The following LMTK2 variants were observed in gnomAD, a reference collection of about 807,000 sequenced individuals.
LMTK2 encodes serine/threonine-protein kinase LMTK2.
Under a neutral mutation model 127.5 loss-of-function variants are expected in LMTK2, and 37 were observed. The ratio of observed to expected loss-of-function variants is 0.29; its 90% CI spans 0.22 to 0.38. The LOEUF (loss-of-function observed/expected upper bound fraction) is 0.38. Among genes scored for constraint, LMTK2 ranks in the 10% least tolerant of loss-of-function variants. The pLI is 1.00. For synonymous variants in LMTK2, 819 were observed against 810.1 expected, an observed-to-expected ratio of 1.01 and a Z score of -0.19; for missense variants, 1,694 against 1,920.3, an observed-to-expected ratio of 0.88 and a Z score of 2.20.
chr7:98,178,246 A>G (rs1279778247), intron 7 of LMTK2, among the ~76,000 whole-genome samples: 1 of 152,220 alleles, frequency 6.6e-6, no homozygotes, highest in Non-Finnish European at 1.5e-5. Context: ...TACTCGGGAA[A>G]GCATAAGTAG....
At chr7:98,177,698 G>A (rs116938364) in intron 7 of LMTK2, among the ~76,000 whole-genome samples, 1,844 of 151,896 alleles carry the variant, frequency 0.012, 17 homozygotes, top group Admixed American at 0.02. Context: ...TTTCCCTAGG[G>A]TGTAATAAGA....
chr7:98,154,784 C>T lies in LMTK2; in HGVS notation c.477C>T (p.Gly159=), dbSNP rs370079724. ...TTCTCTTGGGAGAGATTTACACGGG[C>T]ACTAGCGTAGCAAGAGTCATCGTGA... ...GKVLLGEIYT[G]TSVARVIVKE... is the part of the protein sequence containing the mutation. The change falls in exon 5 of 14, where the codon GGC becomes GGT. Residue 159 remains glycine, a synonymous_variant. Coordinates refer to ENST00000297293, the MANE Select transcript of LMTK2 (RefSeq NM_014916.4). The T allele has an allele frequency of 1.9e-6, 3 of 1,612,438 alleles. No individual in the cohort carries two copies. The highest frequency in any genetic ancestry group is 1.7e-5 in the Admixed American group (1 of 59,972).
At chr7:98,177,214 A>G (rs947969539) in intron 7 of LMTK2, among the ~76,000 whole-genome samples, 2 of 152,252 alleles carry the variant, frequency 1.3e-5, no homozygotes, top group African/African-American at 2.4e-5. Flanking sequence ...GACAGTATAC[A>G]TAAGTCAGTA....
chr7:98,191,781 C>T lies in LMTK2; in HGVS notation c.1316C>T (p.Ser439Phe), dbSNP rs760852451. The T allele has an allele frequency of 6.2e-7, 1 of 1,614,176 alleles. No homozygotes were observed. The highest frequency in any genetic ancestry group is 8.5e-7 in the Non-Finnish European group (1 of 1,180,034). ...LKPNTNSRDS[S>F]NNAAFPILDH... ...CCGAACACAAACAGCAGAGACTCCT[C>T]CAACAATGCTGCATTCCCAATTCTC... Residue 439 changes from serine to phenylalanine, a missense_variant, in exon 11 of 14, where the codon TCC becomes TTC. This residue lies in a region of LMTK2 where 216 missense variants were observed against 266.8 expected (regional missense o/e 0.81). Coordinates refer to ENST00000297293, the MANE Select transcript of LMTK2 (RefSeq NM_014916.4).
chr7:98,198,403 A>T (rs1797662351), intron 11 of LMTK2, among the ~76,000 whole-genome samples: 1 of 151,996 alleles, frequency 6.6e-6, no homozygotes, highest in South Asian at 2.1e-4. Flanking sequence ...GTTGGCCAGG[A>T]TGGTCTCAAT....
At chr7:98,114,235 T>G (rs1796245405) in intron 1 of LMTK2, among the ~76,000 whole-genome samples, 1 of 150,914 alleles carries the variant, frequency 6.6e-6, no homozygotes, top group African/African-American at 2.4e-5. Flanking sequence ...ATGTGTTTTT[T>G]TAAAGTTTTT....
chr7:98,149,090 C>T (rs1429538489), intron 3 of LMTK2, among the ~76,000 whole-genome samples: 1 of 152,204 alleles, frequency 6.6e-6, no homozygotes, highest in Non-Finnish European at 1.5e-5. Flanking sequence ...AATATGTGAC[C>T]ACTCCATCCT....
chr7:98,107,199 C>T lies in LMTK2; in HGVS notation c.22C>T (p.Arg8Trp), dbSNP rs529811468. 157 of 1,453,950 alleles carry T rather than the reference C, an allele frequency of 1.1e-4. 1 individual carries two copies. The South Asian group carries it at 1.7e-3, about 16-fold the overall frequency. The allele number at this position is 1,453,950 out of a possible 1,614,324, so 90.1% of individuals were successfully genotyped here. Residue 8 changes from arginine (R) to tryptophan (W), a missense_variant, in exon 1 of 14, where the codon CGG becomes TGG. Arg to Trp is a moderately radical substitution (Grantham distance 101). This residue lies in a region of LMTK2 where 76 missense variants were observed against 82.0 expected (regional missense o/e 0.93). Coordinates refer to ENST00000297293, the MANE Select transcript of LMTK2 (RefSeq NM_014916.4). ...CGAGATGCCGGGGCCGCCGGCGTTG[C>T]GGCGGAGGCTGCTGCTGCTGCTGCT... MPGPPAL[R>W]RRLLLLLLVL...
At chr7:98,144,445 A>AC (rs1341195336) in intron 3 of LMTK2, among the ~76,000 whole-genome samples, 1 of 151,282 alleles carries the variant, frequency 6.6e-6, no homozygotes, top group Non-Finnish European at 1.5e-5. Flanking sequence ...AAAAAAAAAA[A>AC]GAAAGAAAAA....
At position 98,194,732 on chromosome 7, in the gene LMTK2, A is replaced by G. The variant is rs1797601178; in HGVS notation, c.4107+160A>G. Among the ~76,000 whole-genome samples, 1 of 152,256 alleles carries G rather than the reference A, an allele frequency of 6.6e-6. No individual in the cohort carries two copies. On this transcript the variant is annotated intron_variant, in intron 11 of 13. Coordinates refer to ENST00000297293, the MANE Select transcript of LMTK2 (RefSeq NM_014916.4). The surrounding 1 kb of genome is among the most constrained non-coding windows in gnomAD (Gnocchi z 5.4). ...TGGGGTTGGTTAGAGTTCTAAGAAT[A>G]TGCAGAAATGTCATTTGCTCAGGGA...
chr7:98,151,774 A>G (rs1196951539), intron 4 of LMTK2, among the ~76,000 whole-genome samples: 1 of 152,232 alleles, frequency 6.6e-6, no homozygotes, highest in Non-Finnish European at 1.5e-5. Flanking sequence ...TGCTGGCTGA[A>G]TCCGGATCAG....
rs374314074 is a variant in LMTK2 at position 98,173,557 on chromosome 7, A to G, written c.791+1883A>G. 1.3e-4 allele frequency among the ~76,000 whole-genome samples: 20 copies of G among 152,234 alleles called. No individual in the cohort carries two copies. The East Asian group carries it at 1.5e-3, about 12-fold the overall frequency. ...GGGTTTAATTTTAAAAGAGCATAAT[A>G]TTGGAATCAGCAATGTAAAATTATC... On this transcript the variant is annotated intron_variant, in intron 7 of 13. Coordinates refer to ENST00000297293, the MANE Select transcript of LMTK2 (RefSeq NM_014916.4).
chr7:98,178,247 G>A (rs1010836335), intron 7 of LMTK2, among the ~76,000 whole-genome samples: 1 of 152,198 alleles, frequency 6.6e-6, no homozygotes, highest in African/African-American at 2.4e-5. Flanking sequence ...ACTCGGGAAA[G>A]CATAAGTAGT....
rs1289377291 is a variant in LMTK2 at position 98,204,140 on chromosome 7, C to G, written c.4437C>G (p.Ala1479=). 6.2e-7 allele frequency: 1 copy of G among 1,611,190 alleles called. No individual in the cohort carries two copies. The highest frequency in any genetic ancestry group is 1.7e-5 in the Admixed American group (1 of 60,020). The part of the protein sequence containing the change: ...SRFSISPANI[A]SFSLTHLTDS... Reference sequence around the variant, plus strand: ...TCTCCATCTCTCCCGCCAACATTGCCAGCTTTTCCCTCACACACCTGACCG... The same window carrying G: ...TCTCCATCTCTCCCGCCAACATTGCGAGCTTTTCCCTCACACACCTGACCG... Residue 1479 remains alanine (A), a synonymous_variant, in exon 13 of 14, where the codon GCC becomes GCG. Coordinates refer to ENST00000297293, the MANE Select transcript of LMTK2 (RefSeq NM_014916.4).
chr7:98,199,460 C>T (rs559387236), intron 11 of LMTK2, among the ~76,000 whole-genome samples: 1 of 152,298 alleles, frequency 6.6e-6, no homozygotes, highest in South Asian at 2.1e-4. Flanking sequence ...TAATGTCCTT[C>T]TGTATTCCTT....
chr7:98,108,066 C>T (rs1796142912), intron 1 of LMTK2, among the ~76,000 whole-genome samples: 1 of 152,064 alleles, frequency 6.6e-6, no homozygotes, highest in South Asian at 2.1e-4. Flanking sequence ...GCTAACTTGG[C>T]GTTATTGACT....
In LMTK2 at chr7:98,158,317, C is replaced by G. The variant is rs1219343496; in HGVS notation, c.570-1021C>G. On this transcript the variant is annotated intron_variant, in intron 5 of 13. Transcript: ENST00000297293. Reference sequence around the variant, plus strand: ...TGAAGCAGGGTCTTGTTTTGTCCCCCGGGCTGGAGTGCAGTGGTGTAGTCA... The same window carrying G: ...TGAAGCAGGGTCTTGTTTTGTCCCCGGGGCTGGAGTGCAGTGGTGTAGTCA... 2.0e-5 allele frequency among the ~76,000 whole-genome samples: 3 copies of G among 152,160 alleles called. No homozygotes were observed. The South Asian group carries it at 6.2e-4, about 32-fold the overall frequency.
intron 3 of LMTK2, among the ~76,000 whole-genome samples, chr7:98,145,151 T>G (rs1307861002): frequency 6.6e-6 from 1 of 152,164 alleles, no homozygotes; most frequent in Non-Finnish European, 1.5e-5. Flanking sequence ...TGCCATTGCT[T>G]TTGAAGCTAA....
chr7:98,192,223 G>A lies in LMTK2; in HGVS notation c.1758G>A (p.Leu586=), dbSNP rs1797538954. ...ATCCAGAAAGGACTGGCCCTGAACT[G>A]TCCCAGCTCACGGCGCTCAGGAGCG... ...MDNPERTGPE[L]SQLTALRSVE... is the part of the protein sequence containing the mutation. The change falls in exon 11 of 14, where the codon CTG becomes CTA. Residue 586 remains leucine, a synonymous_variant. Coordinates refer to ENST00000297293, the MANE Select transcript of LMTK2 (RefSeq NM_014916.4). 64 of 1,524,400 alleles carry A rather than the reference G, an allele frequency of 4.2e-5. No homozygotes were observed. The highest frequency in any genetic ancestry group is 5.5e-5 in the Non-Finnish European group (63 of 1,139,940). The allele number at this position is 1,524,400 out of a possible 1,614,324, so 94.4% of individuals were successfully genotyped here.
Sources: allele counts gnomAD v4.1 joint callset (sites outside exome capture counted in the v4.1 genomes callset), GRCh38; gene constraint gnomAD v4.1.1; regional missense constraint gnomAD v4.1.1; non-coding constraint Gnocchi (gnomAD v3.1); transcripts MANE v1.5; gene names NCBI Gene and HGNC (gene_info 2026-07-23, HGNC 2026-07-21).